The following NOS1 variants were observed in gnomAD, a reference collection of about 807,000 sequenced individuals.
NOS1 encodes the protein nitric oxide synthase 1, also known as NOS type I.
NOS1 carries 51 observed loss-of-function variants against 164.5 expected under a neutral mutation model. The ratio of observed to expected loss-of-function variants is 0.31; its 90% confidence interval spans 0.25 to 0.39. The LOEUF is 0.39. Among genes scored for constraint, NOS1 ranks in the 10% least tolerant of loss-of-function variants. The pLI, the probability that NOS1 is intolerant of heterozygous loss-of-function variation, is 1.00. For missense variants in NOS1, 1,362 were observed against 1,885.6 expected, an observed-to-expected ratio of 0.72 and a Z score of 5.14; for synonymous variants, 719 against 745.8, an observed-to-expected ratio of 0.96 and a Z score of 0.59.
At chr12:117,256,276 G>A in intron 16 of NOS1, among the ~76,000 whole-genome samples, 1 of 100,184 alleles carries the variant, frequency 1.0e-5, no homozygotes, top group South Asian at 3.0e-4. Context: ...AATCAGAAGG[G>A]ATTTTCTGTT....
intron 3 of NOS1, among the ~76,000 whole-genome samples, chr12:117,305,510 G>A (rs970353815): frequency 6.6e-6 from 1 of 151,898 alleles, no homozygotes; most frequent in Non-Finnish European, 1.5e-5. Flanking sequence ...AGGTACAGTG[G>A]CTTTGAGCAG....
rs759853470 is a variant in NOS1 at position 117,243,405 on chromosome 12, C to A, written c.2854G>T (p.Asp952Tyr). ...AACDVFCVGD[D>Y]VNIEKANNSL... ...TTGTTGGCCTTTTCAATGTTGACATCATCTCCCACACAGAAGACATCACAG... is the reference window on the plus strand; with the variant it reads ...TTGTTGGCCTTTTCAATGTTGACATAATCTCCCACACAGAAGACATCACAG... The change falls in exon 19 of 29, where the codon GAT (aspartate) becomes TAT (tyrosine). Residue 952 changes from aspartate (D) to tyrosine (Y), a missense_variant. Physicochemically the swap from Asp to Tyr is radical, Grantham distance 160 (BLOSUM62 -3). Transcript: ENST00000317775. The surrounding 1 kb of genome is among the most constrained non-coding windows in gnomAD (Gnocchi z 4.3). 1 of 1,614,024 alleles carries A rather than the reference C, an allele frequency of 6.2e-7. No homozygotes were observed. Among genetic ancestry groups the A allele is most frequent in the African/African-American group, 1.3e-5 (1 of 74,902 alleles).
chr12:117,346,243 A>G (rs942507480), intron 1 of NOS1, among the ~76,000 whole-genome samples: 1 of 152,114 alleles, frequency 6.6e-6, no homozygotes, highest in African/African-American at 2.4e-5. Context: ...GGCTGAGGCG[A>G]GCGGATCACC....
intron 2 of NOS1, among the ~76,000 whole-genome samples, chr12:117,326,396 A>C (rs7958789): frequency 4.1e-4 from 13 of 32,032 alleles, no homozygotes; most frequent in African/African-American, 4.8e-4. Context: ...AAAAAAAAAA[A>C]AAAAACAAAA....
At chr12:117,266,172 T>C (rs9658391) in intron 11 of NOS1, among the ~76,000 whole-genome samples, 15,609 of 152,014 alleles carry the variant, frequency 0.1, 872 homozygotes, top group East Asian at 0.14. Flanking sequence ...GAGTAAGTTC[T>C]TTAGTGGTGA....
intron 7 of NOS1, among the ~76,000 whole-genome samples, chr12:117,284,578 C>A (rs1178980557): frequency 6.6e-6 from 1 of 151,822 alleles, no homozygotes; most frequent in Non-Finnish European, 1.5e-5. Flanking sequence ...ACAGTAAAAG[C>A]AGGTCACCAC....
rs886882108 is a variant in NOS1, at chr12:117,208,566, G to C, written c.*6743C>G. On this transcript the variant is annotated 3_prime_UTR_variant, in exon 29 of 29. Coordinates refer to ENST00000317775, the MANE Select transcript of NOS1 (RefSeq NM_000620.5). ...GTGTGAGTCTTAACAATCACAACGA[G>C]AACACAACAATGAAAACAGTGGCGG... 1 of 1,199,976 alleles carries C rather than the reference G, an allele frequency of 8.3e-7. No homozygotes were observed. The highest frequency in any genetic ancestry group is 3.1e-5 in the Admixed American group (1 of 31,828). The allele number at this position is 1,199,976 out of a possible 1,614,324, so 74.3% of individuals were successfully genotyped here.
chr12:117,358,349 C>G (rs1388762210), intron 1 of NOS1, among the ~76,000 whole-genome samples: 1 of 151,206 alleles, frequency 6.6e-6, no homozygotes, highest in South Asian at 2.1e-4. Flanking sequence ...CACTCTTCTC[C>G]GTGCGGTCCT....
intron 14 of NOS1, among the ~76,000 whole-genome samples, chr12:117,259,976 G>A (rs558757695): frequency 4.6e-5 from 7 of 152,074 alleles, no homozygotes; most frequent in South Asian, 4.2e-4. Flanking sequence ...AAAATTAGCC[G>A]AACGTGGTGG....
Position 117,212,428 on chromosome 12 carries a change from G to A in NOS1, c.*2881C>T. The A allele has an allele frequency of 1.0e-6, 1 of 985,388 alleles. No homozygotes were observed. Among genetic ancestry groups the A allele is most frequent in the Non-Finnish European group, 1.2e-6 (1 of 829,944 alleles). The allele number at this position is 985,388 out of a possible 1,614,324, so 61.0% of individuals were successfully genotyped here. A position where few individuals can be genotyped will look rare whatever the true frequency, so the allele number is the denominator to read the frequency against. On this transcript the variant is annotated 3_prime_UTR_variant, in exon 29 of 29. Transcript: ENST00000317775. ...AAAGACACCTGGCTGTCTCACTCCAGGGAAACCAAAAGAAGCCCTCTCTCC... is the reference window on the plus strand; with the variant it reads ...AAAGACACCTGGCTGTCTCACTCCAAGGAAACCAAAAGAAGCCCTCTCTCC...
chr12:117,335,474 C>T (rs1875761385), intron 1 of NOS1, among the ~76,000 whole-genome samples: 1 of 152,144 alleles, frequency 6.6e-6, no homozygotes, highest in Admixed American at 6.5e-5. Context: ...TTGCATTTAC[C>T]TTGCTGTGAG....
chr12:117,350,741 G>A (rs1407743574), intron 1 of NOS1, among the ~76,000 whole-genome samples: 1 of 152,158 alleles, frequency 6.6e-6, no homozygotes, highest in Non-Finnish European at 1.5e-5. Flanking sequence ...CCCCATCTGT[G>A]CTAGTTGTCA....
intron 20 of NOS1, among the ~76,000 whole-genome samples, chr12:117,239,829 G>A (rs185166134): frequency 7.5e-4 from 114 of 152,080 alleles, no homozygotes; most frequent in Non-Finnish European, 1.2e-3. Flanking sequence ...AGATAAACAC[G>A]GAGGTGTGAC....
Position 117,285,360 on chromosome 12 carries a change from T to C in NOS1, c.1291-28A>G, listed in dbSNP as rs41455545. 195 of 1,518,306 alleles carry C rather than the reference T, an allele frequency of 1.3e-4. No homozygotes were observed. In the African/African-American group the frequency reaches 2.3e-3, roughly 18 times the overall value. 94.1% of individuals were successfully genotyped at this position (1,518,306 alleles called of 1,614,324 possible). A position where few individuals can be genotyped will look rare whatever the true frequency, so the allele number is the denominator to read the frequency against. On this transcript the variant is annotated intron_variant, in intron 6 of 28. Coordinates refer to ENST00000317775, the MANE Select transcript of NOS1 (RefSeq NM_000620.5). ...GGAAGAGGCACAGGGCGGAACTGAT[T>C]GCCTCTTCTTTCCCTCCCCAGCTCC...
intron 1 of NOS1, among the ~76,000 whole-genome samples, chr12:117,333,701 T>C (rs1875661836): frequency 6.6e-6 from 1 of 152,216 alleles, no homozygotes; most frequent in African/African-American, 2.4e-5. Context: ...TGTGTATTCA[T>C]GCGTCGCCCG....
rs373720609 is a variant in NOS1, at chr12:117,346,341, C to T, written c.-420-14852G>A. Among the ~76,000 whole-genome samples the T allele has an allele frequency of 7.9e-5, 12 of 152,060 alleles. 1 individual carries two copies. Among genetic ancestry groups the T allele is most frequent in the African/African-American group, 2.2e-4 (9 of 41,398 alleles). On this transcript the variant is annotated intron_variant, in intron 1 of 28. Transcript: ENST00000317775. The stretch of plus-strand genomic sequence containing the variant: ...CAAAAATTAGCCAGGCGTGGTGGCA[C>T]GTGCATGTAATCCCAGTTACTCAGG...
chr12:117,225,261 C>T (rs1307419084), intron 24 of NOS1, 124 bp from the exon 25 acceptor site: 22 of 1,293,666 alleles, frequency 1.7e-5, no homozygotes, highest in Non-Finnish European at 2.2e-5. Flanking sequence ...GCTCTTCAGC[C>T]GGGGCCAGGT....
chr12:117,304,341 A>G (rs1389212857), intron 3 of NOS1, among the ~76,000 whole-genome samples: 1 of 152,142 alleles, frequency 6.6e-6, no homozygotes, highest in Non-Finnish European at 1.5e-5. Flanking sequence ...GCAAACTTCT[A>G]CCTGAGCTTC....
chr12:117,232,286 A>T (rs2135940435), intron 21 of NOS1, among the ~76,000 whole-genome samples, 155 bp from the exon 22 acceptor site: 1 of 152,256 alleles, frequency 6.6e-6, no homozygotes, highest in East Asian at 1.9e-4. Context: ...CATGCCCAGA[A>T]TCCAGGGGAT....
Sources: gnomAD v4.1 joint callset for allele counts (sites outside exome capture counted in the v4.1 genomes callset) on GRCh38, gnomAD v4.1.1 for gene constraint, Gnocchi (gnomAD v3.1) non-coding constraint, MANE v1.5 for transcripts, NCBI Gene and HGNC (gene_info 2026-07-23, HGNC 2026-07-21) for gene names.